Variants in KALRN observed in about 807,000 individuals in gnomAD.
The protein encoded by KALRN is kalirin RhoGEF kinase.
A neutral mutation model predicts 353.7 loss-of-function variants in KALRN; 70 were observed. The ratio of observed to expected loss-of-function variants is 0.20; its 90% CI spans 0.16 to 0.24. The LOEUF is 0.24. Ranked by LOEUF, KALRN falls within the 10% of genes least tolerant of loss-of-function variation. The pLI, the probability that KALRN is intolerant of heterozygous loss-of-function variation, is 1.00. For missense variants in KALRN, 2,791 were observed against 3,756.7 expected (o/e 0.74, Z 6.72); for synonymous variants, 1,391 against 1,434.8 (o/e 0.97, Z 0.69).
chr3:124,401,525 C>G (rs1013924812), intron 13 of KALRN, among the ~76,000 whole-genome samples: 2 of 152,056 alleles, frequency 1.3e-5, no homozygotes, highest in Non-Finnish European at 2.9e-5. Flanking sequence ...AAAAAATAAA[C>G]AAATAAATTA....
intron 1 of KALRN, among the ~76,000 whole-genome samples, chr3:124,136,402 A>G (rs755374546): frequency 3.9e-5 from 6 of 152,018 alleles, no homozygotes; most frequent in Non-Finnish European, 5.9e-5. Context: ...TGGTCTGGGG[A>G]CCTTGCTATG....
intron 13 of KALRN, among the ~76,000 whole-genome samples, chr3:124,401,735 G>C (rs994628277): frequency 2.6e-5 from 4 of 152,044 alleles, no homozygotes; most frequent in Admixed American, 2.6e-4. Context: ...CTTGTCTTGT[G>C]GGGGAGGCCC....
At chr3:124,400,580 G>A (rs188867793) in intron 13 of KALRN, among the ~76,000 whole-genome samples, 1 of 152,202 alleles carries the variant, frequency 6.6e-6, no homozygotes, top group African/African-American at 2.4e-5. Flanking sequence ...AAAAATGCCA[G>A]TGGGAAAATA....
Position 124,522,167 on chromosome 3 carries a change from G to A in KALRN, c.4935+25754G>A, listed in dbSNP as rs74335403. Reference sequence around the variant, plus strand: ...TTTCTTTATTTAGTGACAAATAAATGTATGTATATACATACATATGTACAT... The same window carrying A: ...TTTCTTTATTTAGTGACAAATAAATATATGTATATACATACATATGTACAT... On this transcript the variant is annotated intron_variant, in intron 33 of 59. Transcript: ENST00000682506. Among the ~76,000 whole-genome samples, 41 of 151,716 alleles carry A rather than the reference G, an allele frequency of 2.7e-4. No individual in the cohort carries two copies. The East Asian group carries it at 7.4e-3, about 27-fold the overall frequency.
chr3:124,640,485 A>G (rs370139824), intron 37 of KALRN, among the ~76,000 whole-genome samples: 4 of 152,074 alleles, frequency 2.6e-5, no homozygotes, highest in East Asian at 3.9e-4. Context: ...GGGTTTCACC[A>G]TGTTGGCCAG....
chr3:124,058,434 C>T (rs1022671220), intron 1 of KALRN, among the ~76,000 whole-genome samples: 5 of 152,022 alleles, frequency 3.3e-5, no homozygotes, highest in African/African-American at 4.8e-5. Context: ...TCTTTCTGGC[C>T]GCAAGCAGAA....
chr3:124,211,033 A>AATTGTGTCTTGT (rs2076856307), intron 1 of KALRN, among the ~76,000 whole-genome samples: 1 of 152,232 alleles, frequency 6.6e-6, no homozygotes, highest in African/African-American at 2.4e-5. Flanking sequence ...AGGAGCTGAC[A>AATTGTGTCTTGT]GCATGTGGAT....
chr3:124,268,566 T>G, intron 4 of KALRN, 177 bp from the exon 5 acceptor site: 1 of 636,934 alleles, frequency 1.6e-6, no homozygotes, highest in Non-Finnish European at 2.7e-6. Flanking sequence ...TAGAAACTGC[T>G]GATCCTGACT....
chr3:124,401,848 G>A (rs1307813654), intron 13 of KALRN, among the ~76,000 whole-genome samples: 1 of 152,160 alleles, frequency 6.6e-6, no homozygotes, highest in Admixed American at 6.5e-5. Flanking sequence ...TTATTTTTGA[G>A]GGTGTTGAGA....
chr3:124,709,779 A>C (rs542508058), intron 57 of KALRN, among the ~76,000 whole-genome samples: 13 of 152,386 alleles, frequency 8.5e-5, no homozygotes, highest in African/African-American at 3.1e-4. Context: ...CTAAAAAATA[A>C]GATATTCCCA....
intron 1 of KALRN, among the ~76,000 whole-genome samples, chr3:124,069,878 A>T (rs2059931094): frequency 1.3e-5 from 2 of 152,174 alleles, no homozygotes; most frequent in East Asian, 3.9e-4. Context: ...TTGGTGAGTC[A>T]GTGAGTGGGG....
At chr3:124,103,169 G>A (rs983849753) in intron 1 of KALRN, among the ~76,000 whole-genome samples, 4 of 152,206 alleles carry the variant, frequency 2.6e-5, no homozygotes, top group African/African-American at 9.6e-5. Flanking sequence ...GTAGTAGAGC[G>A]TATCATTGGG....
At chr3:124,502,908 A>G (rs1475438466) in intron 33 of KALRN, among the ~76,000 whole-genome samples, 1 of 152,208 alleles carries the variant, frequency 6.6e-6, no homozygotes, top group East Asian at 1.9e-4. Flanking sequence ...CACATTCTTG[A>G]AAACCATCAC....
chr3:124,441,131 ATGTT>A (rs1234610552), intron 18 of KALRN, among the ~76,000 whole-genome samples: 1 of 152,186 alleles, frequency 6.6e-6, no homozygotes, highest in Non-Finnish European at 1.5e-5. Context: ...AGTCTGAAAA[ATGTT>A]TGTAATTTCC....
intron 34 of KALRN, among the ~76,000 whole-genome samples, chr3:124,594,741 G>A (rs1322660275): frequency 6.6e-6 from 1 of 152,088 alleles, no homozygotes; most frequent in Non-Finnish European, 1.5e-5. Flanking sequence ...TTCCCACCTT[G>A]CCTTTCTGCA....
intron 6 of KALRN, among the ~76,000 whole-genome samples, chr3:124,320,831 G>A (rs1033885141): frequency 1.2e-4 from 19 of 152,166 alleles, no homozygotes; most frequent in African/African-American, 4.1e-4. Context: ...TTAACTCCTA[G>A]GGAAATAGTG....
intron 52 of KALRN, 115 bp downstream of exon 52, chr3:124,693,946 C>A: frequency 2.8e-6 from 2 of 723,148 alleles, no homozygotes; most frequent in Non-Finnish European, 4.6e-6. Context: ...TATCAATGGA[C>A]AAGGAAAGAG....
At chr3:124,061,977 G>A (rs2042031933) in intron 1 of KALRN, among the ~76,000 whole-genome samples, 1 of 152,184 alleles carries the variant, frequency 6.6e-6, no homozygotes. Context: ...AAGGGTGGAT[G>A]CTCACCTGGA....
intron 33 of KALRN, among the ~76,000 whole-genome samples, chr3:124,544,728 A>C (rs2109387668): frequency 6.6e-6 from 1 of 152,266 alleles, no homozygotes; most frequent in South Asian, 2.1e-4. Context: ...CATGAGGGCA[A>C]AAGTGTTTGT....
Sources: gnomAD v4.1 joint callset for allele counts (sites outside exome capture counted in the v4.1 genomes callset) on GRCh38, gnomAD v4.1.1 for gene constraint, MANE v1.5 for transcripts, NCBI Gene and HGNC (gene_info 2026-07-23, HGNC 2026-07-21) for gene names.